The following TSHZ2 variants were observed in gnomAD, a reference collection of about 807,000 sequenced individuals.
The protein encoded by TSHZ2 is teashirt homolog 2.
TSHZ2 carries 21 observed loss-of-function variants against 74.4 expected under a neutral mutation model. The observed-to-expected ratio is 0.28, with a 90% confidence interval of 0.20 to 0.41. The LOEUF is 0.41. TSHZ2 is among the 10% of genes least tolerant of loss of function. The pLI is 1.00. For missense variants in TSHZ2, 1,244 were observed against 1,293.5 expected, an observed-to-expected ratio of 0.96 and a Z score of 0.59; for synonymous variants, 540 against 515.3, an observed-to-expected ratio of 1.05 and a Z score of -0.65.
At chr20:53,227,153 G>A (rs773575109) in intron 1 of TSHZ2, among the ~76,000 whole-genome samples, 80 of 151,926 alleles carry the variant, frequency 5.3e-4, no homozygotes, top group Admixed American at 2.0e-3. Flanking sequence ...CAGCCTCTCG[G>A]TGTCCTGAGC....
chr20:53,079,887 T>C (rs1056894432), intron 1 of TSHZ2, among the ~76,000 whole-genome samples: 8 of 152,054 alleles, frequency 5.3e-5, no homozygotes, highest in Non-Finnish European at 8.8e-5. Flanking sequence ...TTATATGTCC[T>C]AATACACATA....
intron 2 of TSHZ2, among the ~76,000 whole-genome samples, chr20:53,283,816 G>A (rs1333018270): frequency 6.6e-6 from 1 of 152,162 alleles, no homozygotes; most frequent in Non-Finnish European, 1.5e-5. Context: ...TTACAGATTG[G>A]TCTGACTCTC....
chr20:53,268,916 C>T (rs536677024), intron 2 of TSHZ2, among the ~76,000 whole-genome samples: 55 of 152,276 alleles, frequency 3.6e-4, no homozygotes, highest in African/African-American at 1.3e-3. Context: ...CTGTTGGAGC[C>T]GGGGCAAGTC....
intron 2 of TSHZ2, among the ~76,000 whole-genome samples, chr20:53,293,236 G>A (rs1991313783): frequency 6.6e-6 from 1 of 152,208 alleles, no homozygotes; most frequent in Non-Finnish European, 1.5e-5. Context: ...GCCAAGGTAG[G>A]AGGATCACTT....
At chr20:53,058,090 C>T (rs1984699493) in intron 1 of TSHZ2, among the ~76,000 whole-genome samples, 1 of 152,132 alleles carries the variant, frequency 6.6e-6, no homozygotes, top group African/African-American at 2.4e-5. Flanking sequence ...GTAGATCCCT[C>T]ACACGTGCAG....
At chr20:53,156,463 A>G (rs1242265223) in intron 1 of TSHZ2, among the ~76,000 whole-genome samples, 3 of 152,148 alleles carry the variant, frequency 2.0e-5, no homozygotes, top group Non-Finnish European at 4.4e-5. Flanking sequence ...CCAGAAGGAG[A>G]GCACTTTTGT....
chr20:53,459,806 T>C (rs1985273373), intron 2 of TSHZ2, among the ~76,000 whole-genome samples: 1 of 148,716 alleles, frequency 6.7e-6, no homozygotes, highest in Non-Finnish European at 1.5e-5. Flanking sequence ...TTATTTCTCC[T>C]TCACTTATGA....
At chr20:53,259,275 G>GT (rs1990551208) in intron 2 of TSHZ2, among the ~76,000 whole-genome samples, 1 of 152,132 alleles carries the variant, frequency 6.6e-6, no homozygotes, top group Admixed American at 6.5e-5. Context: ...ACCTATCAAT[G>GT]TTTTTTGAAA....
intron 1 of TSHZ2, among the ~76,000 whole-genome samples, chr20:53,141,020 T>C (rs1191209058): frequency 6.7e-6 from 1 of 149,892 alleles, no homozygotes; most frequent in Non-Finnish European, 1.5e-5. Flanking sequence ...GGAAACATTA[T>C]TTAGCACAGC....
At chr20:53,101,376 C>T (rs989354137) in intron 1 of TSHZ2, among the ~76,000 whole-genome samples, 7 of 152,080 alleles carry the variant, frequency 4.6e-5, no homozygotes, top group East Asian at 3.8e-4. Flanking sequence ...CTATCACTTA[C>T]GTCAATTTAT....
At chr20:53,043,635 C>T (rs1008439692) in intron 1 of TSHZ2, among the ~76,000 whole-genome samples, 1 of 152,140 alleles carries the variant, frequency 6.6e-6, no homozygotes, top group South Asian at 2.1e-4. Flanking sequence ...ATCAAAGTCA[C>T]AACTTTAATA....
intron 1 of TSHZ2, among the ~76,000 whole-genome samples, chr20:53,211,110 C>T (rs994744619): frequency 6.6e-6 from 1 of 152,196 alleles, no homozygotes; most frequent in Non-Finnish European, 1.5e-5. Flanking sequence ...GTATGCCAGA[C>T]TCTTCTAAGC....
At chr20:53,389,135 T>A (rs534823085) in intron 2 of TSHZ2, among the ~76,000 whole-genome samples, 1 of 152,212 alleles carries the variant, frequency 6.6e-6, no homozygotes, top group Non-Finnish European at 1.5e-5. Flanking sequence ...TCCAAAAGTA[T>A]GAATGTCTGA....
chr20:53,473,638 C>T (rs1189954483), intron 2 of TSHZ2, among the ~76,000 whole-genome samples: 3 of 150,764 alleles, frequency 2.0e-5, no homozygotes, highest in South Asian at 2.1e-4. Context: ...TCACCAGCAA[C>T]GGAACAAAGC....
At chr20:53,228,912 C>A (rs1989752818) in intron 1 of TSHZ2, among the ~76,000 whole-genome samples, 2 of 152,286 alleles carry the variant, frequency 1.3e-5, no homozygotes, top group African/African-American at 4.8e-5. Flanking sequence ...TAGAAGGGTC[C>A]CTTTATGTCT....
intron 1 of TSHZ2, among the ~76,000 whole-genome samples, chr20:53,201,211 T>C (rs1026366582): frequency 1.1e-4 from 16 of 152,186 alleles, no homozygotes; most frequent in African/African-American, 3.6e-4. Context: ...TATAACACAT[T>C]ATCACAAACG....
At chr20:53,446,432 G>T (rs531856918) in intron 2 of TSHZ2, among the ~76,000 whole-genome samples, 6 of 151,466 alleles carry the variant, frequency 4.0e-5, no homozygotes, top group Non-Finnish European at 8.8e-5. Flanking sequence ...AAAACTAGCC[G>T]GGTGTGGTGG....
At chr20:52,976,890 G>A (rs1232860141) in intron 1 of TSHZ2, among the ~76,000 whole-genome samples, 1 of 152,196 alleles carries the variant, frequency 6.6e-6, no homozygotes. Context: ...CAGATCTGAA[G>A]AGTCTTGCAA....
intron 2 of TSHZ2, among the ~76,000 whole-genome samples, chr20:53,299,326 C>G (rs1312560027): frequency 6.6e-6 from 1 of 152,214 alleles, no homozygotes; most frequent in East Asian, 1.9e-4. Flanking sequence ...TTGAACTGCT[C>G]TTTTCCCCAT....
Sources: gnomAD v4.1 joint callset for allele counts (sites outside exome capture counted in the v4.1 genomes callset) on GRCh38, gnomAD v4.1.1 for gene constraint, MANE v1.5 for transcripts, NCBI Gene and HGNC (gene_info 2026-07-23, HGNC 2026-07-21) for gene names.